Variants in ZBBX observed in about 807,000 individuals in gnomAD.
The protein encoded by ZBBX is zinc finger B-box domain containing, also known as zinc finger B-box domain-containing protein 1.
In ZBBX, 101 loss-of-function variants were observed where a neutral mutation model predicts 108.5. That is an observed-to-expected ratio of 0.93 (90% CI 0.79 to 1.10). ZBBX has a LOEUF of 1.10. ZBBX is among the 50% of genes least tolerant of loss of function. The probability of loss-of-function intolerance (pLI) is 0.00; values close to 1 mark genes in which losing one functional copy is unlikely to be tolerated. For synonymous variants in ZBBX, 356 were observed against 323.4 expected, an observed-to-expected ratio of 1.10 and a Z score of -1.08; for missense variants, 1,009 against 941.4, an observed-to-expected ratio of 1.07 and a Z score of -0.94.
intron 20 of ZBBX, among the ~76,000 whole-genome samples, chr3:167,270,641 C>T (rs1417736299): frequency 6.6e-6 from 1 of 152,132 alleles, no homozygotes; most frequent in African/African-American, 2.4e-5. Flanking sequence ...AATGCATCCA[C>T]TCTGTTGCTG....
At chr3:167,183,549 A>C in the ZBBX span, among the ~76,000 whole-genome samples, 1 of 152,202 alleles carries the variant, frequency 6.6e-6, no homozygotes, top group Non-Finnish European at 1.5e-5. Flanking sequence ...TGAGAGCCAC[A>C]AACAGAGTTT....
intron 2 of ZBBX, among the ~76,000 whole-genome samples, chr3:167,379,015 C>A (rs1433526078): frequency 6.6e-6 from 1 of 152,170 alleles, no homozygotes; most frequent in Non-Finnish European, 1.5e-5. Flanking sequence ...GAAACCCCAG[C>A]AATCAATACA....
intron 16 of ZBBX, among the ~76,000 whole-genome samples, chr3:167,307,860 C>T (rs1192859078): frequency 6.6e-6 from 1 of 151,934 alleles, no homozygotes; most frequent in African/African-American, 2.4e-5. Context: ...CTATGAAAAC[C>T]CTGGAAGACA....
At chr3:167,276,180 G>A (rs931541263) in intron 20 of ZBBX, among the ~76,000 whole-genome samples, 20 of 152,162 alleles carry the variant, frequency 1.3e-4, no homozygotes. Flanking sequence ...AAAAAGCAGA[G>A]TGCCTCTCCT....
intron 9 of ZBBX, among the ~76,000 whole-genome samples, chr3:167,344,905 A>C (rs1741181034): frequency 6.6e-6 from 1 of 151,874 alleles, no homozygotes; most frequent in African/African-American, 2.4e-5. Context: ...TGTAGTTGAC[A>C]TGACTACCTT....
intron 1 of ZBBX, among the ~76,000 whole-genome samples, chr3:167,388,950 A>G (rs1472556469): frequency 6.6e-6 from 1 of 151,954 alleles, no homozygotes; most frequent in African/African-American, 2.4e-5. Flanking sequence ...ATTTTTGAGA[A>G]TTACCTCTTT....
chr3:167,348,356 G>GA (rs1553832871), intron 9 of ZBBX, among the ~76,000 whole-genome samples: 1 of 115,016 alleles, frequency 8.7e-6, no homozygotes, highest in Non-Finnish European at 1.7e-5. Context: ...AAGAAAGAAA[G>GA]AAAGAAAGAA....
At chr3:167,353,439 A>G (rs1235188726) in intron 8 of ZBBX, among the ~76,000 whole-genome samples, 3 of 152,110 alleles carry the variant, frequency 2.0e-5, no homozygotes, top group Non-Finnish European at 4.4e-5. Context: ...AGAGCTAAAC[A>G]ATGGGTGTTA....
chr3:167,233,178 A>G, the ZBBX span, among the ~76,000 whole-genome samples: 7,828 of 151,684 alleles, frequency 0.052, 562 homozygotes, highest in African/African-American at 0.16. Context: ...AATAACACAA[A>G]TTACCCATCC....
chr3:167,309,116 AG>A (rs1734155305), intron 16 of ZBBX, among the ~76,000 whole-genome samples: 1 of 152,234 alleles, frequency 6.6e-6, no homozygotes. Flanking sequence ...TGTAATTAAA[AG>A]TGGCTAAAAA....
intron 20 of ZBBX, among the ~76,000 whole-genome samples, chr3:167,259,720 T>C (rs969333098): frequency 6.6e-6 from 1 of 152,172 alleles, no homozygotes; most frequent in Admixed American, 6.5e-5. Context: ...CTACCTTGAT[T>C]TCATTTTTAA....
intron 8 of ZBBX, among the ~76,000 whole-genome samples, chr3:167,351,712 G>T (rs1742685845): frequency 6.6e-6 from 1 of 152,142 alleles, no homozygotes; most frequent in South Asian, 2.1e-4. Context: ...CTGCACTAAG[G>T]TGCCATTCCT....
chr3:167,296,992 A>C (rs1013051379), intron 18 of ZBBX, among the ~76,000 whole-genome samples: 1 of 152,080 alleles, frequency 6.6e-6, no homozygotes, highest in Non-Finnish European at 1.5e-5. Context: ...AAGATACTGT[A>C]ATCAAAACAG....
chr3:167,313,020 T>A (rs942466722), intron 16 of ZBBX, among the ~76,000 whole-genome samples: 5 of 152,190 alleles, frequency 3.3e-5, no homozygotes, highest in African/African-American at 9.7e-5. Flanking sequence ...GGCTTGAAAA[T>A]TATCTAGTTC....
intron 19 of ZBBX, among the ~76,000 whole-genome samples, chr3:167,286,427 A>G (rs988172070): frequency 1.3e-4 from 20 of 152,276 alleles, no homozygotes; most frequent in African/African-American, 4.3e-4. Context: ...AGTACGATTC[A>G]CTTCCTATAA....
At chr3:167,299,931 T>C (rs1560091705) in intron 17 of ZBBX, among the ~76,000 whole-genome samples, 1 of 152,164 alleles carries the variant, frequency 6.6e-6, no homozygotes, top group Non-Finnish European at 1.5e-5. Flanking sequence ...AGCTCTATTT[T>C]ACAGCTCCCC....
intron 1 of ZBBX, among the ~76,000 whole-genome samples, chr3:167,394,415 A>G (rs1748169336): frequency 6.6e-6 from 1 of 151,986 alleles, no homozygotes; most frequent in Admixed American, 6.6e-5. Flanking sequence ...ATGCATATGG[A>G]CACAATTTAG....
chr3:167,303,489 AT>A (rs1272994007), intron 17 of ZBBX, among the ~76,000 whole-genome samples: 3 of 152,010 alleles, frequency 2.0e-5, no homozygotes, highest in African/African-American at 7.2e-5. Context: ...CCCTCACACC[AT>A]TATTTCTTGC....
At chr3:167,341,258 C>G (rs1364546088) in intron 9 of ZBBX, among the ~76,000 whole-genome samples, 1 of 151,636 alleles carries the variant, frequency 6.6e-6, no homozygotes, top group South Asian at 2.1e-4. Context: ...ATGAATGCAC[C>G]TTATTATTTA....
Sources: allele counts gnomAD v4.1 joint callset (sites outside exome capture counted in the v4.1 genomes callset), GRCh38; gene constraint gnomAD v4.1.1; transcripts MANE v1.5; gene names NCBI Gene and HGNC (gene_info 2026-07-23, HGNC 2026-07-21).